The following GLRX3 variants were observed in gnomAD, a reference collection of about 807,000 sequenced individuals.
GLRX3 encodes glutaredoxin 3.
Under a neutral mutation model 49.5 loss-of-function variants are expected in GLRX3, and 22 were observed. The observed-to-expected ratio is 0.44, with a 90% CI of 0.32 to 0.63. The LOEUF (loss-of-function observed/expected upper bound fraction) is 0.63. Among genes scored for constraint, GLRX3 ranks in the 30% least tolerant of loss-of-function variants. GLRX3 has a pLI of 0.05. For missense variants in GLRX3, 385 were observed against 396.3 expected (o/e 0.97, Z 0.24); for synonymous variants, 133 against 140.0 (o/e 0.95, Z 0.35).
intron 1 of GLRX3, among the ~76,000 whole-genome samples, chr10:130,137,956 G>A (rs1189459873): frequency 6.6e-6 from 1 of 151,828 alleles, no homozygotes; most frequent in Admixed American, 6.6e-5. Context: ...GCCTCGTCTC[G>A]ACCTTCTGGA....
chr10:130,148,433 C>CTTTTTTTTTTTT (rs57482969), intron 2 of GLRX3, among the ~76,000 whole-genome samples: 1 of 70,582 alleles, frequency 1.4e-5, no homozygotes, highest in Admixed American at 2.2e-4. Context: ...GCCCTTCAGT[C>CTTTTTTTTTTTT]TTTTTTTTTT....
chr10:130,176,184 A>G (rs914927908), intron 10 of GLRX3, among the ~76,000 whole-genome samples: 4 of 151,236 alleles, frequency 2.6e-5, no homozygotes, highest in African/African-American at 4.9e-5. Flanking sequence ...CAATGGTGCA[A>G]TCTCGGCTCA....
chr10:130,165,699 T>G (rs1862669046), intron 4 of GLRX3, among the ~76,000 whole-genome samples: 1 of 152,208 alleles, frequency 6.6e-6, no homozygotes, highest in Non-Finnish European at 1.5e-5. Flanking sequence ...TACTTAGAGA[T>G]AGTGAAGATT....
At position 130,145,258 on chromosome 10, in the gene GLRX3, C is replaced by G. The variant is rs1227270139; in HGVS notation, c.140C>G (p.Ala47Gly). The change falls in exon 2 of 11, where the codon GCA (alanine) becomes GGA (glycine). Residue 47 changes from alanine (A) to glycine (G), a missense_variant. Transcript: ENST00000331244. ...TGGGCACCATGGGCTCCACAGTGTG[C>G]ACAGATGAACGAAGTTATGGCAGAG... ...HFWAPWAPQC[A>G]QMNEVMAELA... The G allele has an allele frequency of 6.3e-7, 1 of 1,580,614 alleles. No individual in the cohort carries two copies.
intron 2 of GLRX3, among the ~76,000 whole-genome samples, chr10:130,153,802 G>A (rs907818118): frequency 1.3e-5 from 2 of 152,164 alleles, no homozygotes; most frequent in Admixed American, 6.5e-5. Flanking sequence ...GATCTTGAAT[G>A]CCATGCTGGG....
intron 1 of GLRX3, among the ~76,000 whole-genome samples, chr10:130,140,609 C>T (rs933384894): frequency 6.6e-6 from 1 of 152,146 alleles, no homozygotes; most frequent in African/African-American, 2.4e-5. Flanking sequence ...AGTTAAATTA[C>T]TCTTCAAAAC....
At chr10:130,143,012 C>A (rs1052429509) in intron 1 of GLRX3, among the ~76,000 whole-genome samples, 1 of 152,184 alleles carries the variant, frequency 6.6e-6, no homozygotes, top group East Asian at 1.9e-4. Flanking sequence ...GTGCAGACTT[C>A]TTCCCTGAGC....
At chr10:130,154,664 T>C (rs920940726) in intron 2 of GLRX3, among the ~76,000 whole-genome samples, 1 of 152,128 alleles carries the variant, frequency 6.6e-6, no homozygotes, top group Admixed American at 6.5e-5. Flanking sequence ...GTTCTCTCCT[T>C]AGTCTTGCAG....
intron 2 of GLRX3, among the ~76,000 whole-genome samples, chr10:130,154,832 G>A (rs1410059481): frequency 6.6e-6 from 1 of 152,176 alleles, no homozygotes; most frequent in East Asian, 1.9e-4. Flanking sequence ...ACAACAAATA[G>A]TAGACATATA....
At chr10:130,152,624 T>C (rs998802753) in intron 2 of GLRX3, among the ~76,000 whole-genome samples, 3 of 152,216 alleles carry the variant, frequency 2.0e-5, no homozygotes, top group Non-Finnish European at 2.9e-5. Context: ...TGTTGAATAT[T>C]GGCCCCCACT....
At position 130,179,497 on chromosome 10, in the gene GLRX3, C is replaced by CTT; in HGVS notation, c.*107_*108dup. Reference sequence around the variant, plus strand: ...ATGGACTAGGAATAGAAAATTCCTGCTTTCTCAGTTACATGTTTTGTGTAT... The same window carrying CTT: ...ATGGACTAGGAATAGAAAATTCCTGCTTTTTCTCAGTTACATGTTTTGTGTAT... On this transcript the variant is annotated 3_prime_UTR_variant, in exon 11 of 11. Transcript: ENST00000331244. 1 of 687,888 alleles carries CTT rather than the reference C, an allele frequency of 1.5e-6. No individual in the cohort carries two copies. The highest frequency in any genetic ancestry group is 2.6e-6 in the Non-Finnish European group (1 of 390,430). 42.6% of individuals were successfully genotyped at this position (687,888 alleles called of 1,614,324 possible).
rs375344206 is a variant in GLRX3 at position 130,154,692 on chromosome 10, TA to T, written c.202-5301del. ...TCTTGCAGCTCAGTGCCATCATTGG[TA>T]AGTGGCCATCCCCATTCTTGGCTTA... On this transcript the variant is annotated intron_variant, in intron 2 of 10. Coordinates refer to ENST00000331244, the MANE Select transcript of GLRX3 (RefSeq NM_006541.5). 1.8e-4 allele frequency among the ~76,000 whole-genome samples: 28 copies of T among 152,238 alleles called. No individual in the cohort carries two copies. In the East Asian group the frequency reaches 5.0e-3, roughly 27 times the overall value.
intron 1 of GLRX3, 46 bp from the exon 2 acceptor site, chr10:130,145,165 C>A (rs1862247622): frequency 1.3e-6 from 1 of 763,000 alleles, no homozygotes; most frequent in South Asian, 1.8e-5. Flanking sequence ...TTGTGTATTT[C>A]CAAAATTGGT....
chr10:130,159,253 G>A (rs776827947), intron 2 of GLRX3, among the ~76,000 whole-genome samples: 5 of 152,134 alleles, frequency 3.3e-5, no homozygotes, highest in Admixed American at 1.3e-4. Context: ...AAAGACCTAC[G>A]TAAATAGCTT....
intron 10 of GLRX3, among the ~76,000 whole-genome samples, chr10:130,177,300 G>T (rs1284842868): frequency 6.6e-6 from 1 of 152,122 alleles, no homozygotes; most frequent in African/African-American, 2.4e-5. Flanking sequence ...AAGAGTAAAC[G>T]GTTCACTACT....
At chr10:130,166,331 G>A (rs996081366) in intron 4 of GLRX3, among the ~76,000 whole-genome samples, 176 bp from the exon 5 acceptor site, 1 of 151,796 alleles carries the variant, frequency 6.6e-6, no homozygotes, top group African/African-American at 2.4e-5. Flanking sequence ...CAAATAAGGG[G>A]ATCCAGGAAT....
rs200601247 is a variant in GLRX3 at position 130,166,625 on chromosome 10, C to T, written c.597C>T (p.Thr199=). The change falls in exon 5 of 11, where the codon ACC becomes ACT. Residue 199 remains threonine, a synonymous_variant. Coordinates refer to ENST00000331244, the MANE Select transcript of GLRX3 (RefSeq NM_006541.5). The part of the protein sequence containing the change: ...QGLKAYSSWP[T]YPQLYVSGEL... ...TCAAAGCCTATTCCAGTTGGCCTAC[C>T]TATCCTCAGCTCTATGTTTCTGGAG... The T allele has an allele frequency of 1.9e-5, 30 of 1,611,054 alleles. No individual in the cohort carries two copies. In the East Asian group the frequency reaches 5.4e-4, roughly 29 times the overall value.
At chr10:130,157,760 G>C (rs576713452) in intron 2 of GLRX3, among the ~76,000 whole-genome samples, 27 of 152,204 alleles carry the variant, frequency 1.8e-4, no homozygotes, top group African/African-American at 6.5e-4. Context: ...AGGCTAGGCT[G>C]TTTTATGTTA....
intron 1 of GLRX3, among the ~76,000 whole-genome samples, chr10:130,141,758 G>A (rs1177263626): frequency 6.6e-6 from 1 of 152,164 alleles, no homozygotes; most frequent in African/African-American, 2.4e-5. Context: ...TAGGGCTGCT[G>A]TGAGCATTCT....
Sources: allele counts gnomAD v4.1 joint callset (sites outside exome capture counted in the v4.1 genomes callset), GRCh38; gene constraint gnomAD v4.1.1; transcripts MANE v1.5; gene names NCBI Gene and HGNC (gene_info 2026-07-23, HGNC 2026-07-21).